HDAC2: variants seen among roughly 807,000 people sequenced by gnomAD.
The protein encoded by HDAC2 is YY1-associated factor 1.
Under a neutral mutation model 68.5 loss-of-function variants are expected in HDAC2, and 5 were observed. The observed-to-expected ratio is 0.07, with a 90% CI of 0.04 to 0.15. The LOEUF (loss-of-function observed/expected upper bound fraction) is 0.15. Among genes scored for constraint, HDAC2 ranks in the 10% least tolerant of loss-of-function variants. HDAC2 has a pLI of 1.00. For missense variants in HDAC2, 291 were observed against 600.8 expected, an observed-to-expected ratio of 0.48 and a Z score of 5.39; for synonymous variants, 182 against 191.3, an observed-to-expected ratio of 0.95 and a Z score of 0.40.
chr6:113,964,178 C>A (rs1175403121), intron 1 of HDAC2, among the ~76,000 whole-genome samples: 1 of 151,200 alleles, frequency 6.6e-6, no homozygotes, highest in East Asian at 1.9e-4. Flanking sequence ...AAATTTTTTT[C>A]AATTTTCAGG....
At chr6:113,954,436 C>A (rs977737979) in intron 5 of HDAC2, among the ~76,000 whole-genome samples, 2 of 151,998 alleles carry the variant, frequency 1.3e-5, no homozygotes, top group South Asian at 2.1e-4. Context: ...AGTTTCTGAG[C>A]GGCTCACGTG....
chr6:113,942,797 C>T (rs1029641021), intron 12 of HDAC2, among the ~76,000 whole-genome samples: 7 of 152,220 alleles, frequency 4.6e-5, no homozygotes, highest in Non-Finnish European at 7.4e-5. Flanking sequence ...GCTAACACAG[C>T]GTTTTAAAGT....
chr6:113,952,098 T>TG, intron 6 of HDAC2, among the ~76,000 whole-genome samples: 2 of 152,284 alleles, frequency 1.3e-5, no homozygotes, highest in Non-Finnish European at 2.9e-5. Context: ...AACTTTAAGG[T>TG]GAAGAATCAC....
At chr6:113,970,670 C>G in intron 1 of HDAC2, 187 bp downstream of exon 1, 1 of 1,352,210 alleles carries the variant, frequency 7.4e-7, no homozygotes, top group Non-Finnish European at 9.4e-7. Flanking sequence ...CCCGCAGGAA[C>G]CGCGGGGGCT....
Position 113,947,630 on chromosome 6 carries a change from T to A in HDAC2, c.841+1349A>T, listed in dbSNP as rs1288074494. On this transcript the variant is annotated intron_variant, in intron 8 of 13. Transcript: ENST00000519065. ...TATACACTTTTAAGAGTACATTAGG[T>A]AGATCATTTTAGAAAGTTTATAAAC... The A allele has an allele frequency of 2.0e-5, 3 of 152,126 alleles. No homozygotes were observed. The East Asian group carries it at 5.8e-4, about 29-fold the overall frequency. The allele number at this position is 152,126 out of a possible 1,614,324, so 9.4% of individuals were successfully genotyped here.
chr6:113,971,079 G>A lies in HDAC2; in HGVS notation c.-171C>T, dbSNP rs1383442722. On this transcript the variant is annotated 5_prime_UTR_variant, in exon 1 of 14. Coordinates refer to ENST00000519065, the MANE Select transcript of HDAC2 (RefSeq NM_001527.4). ...AGAGGAGGGGGCGCCGGGAAGGCTC[G>A]GTACCACCCGGCAGAGGTGCCGAAA... The A allele has an allele frequency of 6.4e-7, 1 of 1,551,962 alleles. No individual in the cohort carries two copies.
intron 5 of HDAC2, among the ~76,000 whole-genome samples, chr6:113,954,463 A>G (rs1776499081): frequency 6.6e-6 from 1 of 152,226 alleles, no homozygotes; most frequent in Non-Finnish European, 1.5e-5. Context: ...AAGCAAGGAA[A>G]GCTGTGCACC....
chr6:113,941,605 G>T, intron 13 of HDAC2, 103 bp downstream of exon 13: 1 of 457,132 alleles, frequency 2.2e-6, no homozygotes, highest in Non-Finnish European at 3.9e-6. Context: ...ATGTTCTAAG[G>T]TTCAGTCTAG....
At chr6:113,955,699 TG>T (rs34803361) in intron 5 of HDAC2, among the ~76,000 whole-genome samples, 4 of 151,956 alleles carry the variant, frequency 2.6e-5, no homozygotes, top group African/African-American at 4.8e-5. Flanking sequence ...TCTGTAGAGA[TG>T]GGGTTTTGCC....
chr6:113,945,973 T>A (rs1259010909), intron 9 of HDAC2, 35 bp downstream of exon 9: 1 of 1,519,078 alleles, frequency 6.6e-7, no homozygotes, highest in South Asian at 1.1e-5. Flanking sequence ...TATTGACAGT[T>A]CATACAATAA....
At chr6:113,944,973 A>G (rs1776234067) in intron 10 of HDAC2, among the ~76,000 whole-genome samples, 1 of 152,176 alleles carries the variant, frequency 6.6e-6, no homozygotes, top group African/African-American at 2.4e-5. Context: ...TGTTCCAGAC[A>G]ATGAAAATAA....
At position 113,937,778 on chromosome 6, in the gene HDAC2, G is replaced by GA. The variant is rs1020535779; in HGVS notation, c.*3279dup. Reference sequence around the variant, plus strand: ...GAGGTGGGAGAATACCCTAAGCCTAGAAGTTCTAAGATGTAGTGAGATATG... The same window carrying GA: ...GAGGTGGGAGAATACCCTAAGCCTAGAAAGTTCTAAGATGTAGTGAGATATG... On this transcript the variant is annotated 3_prime_UTR_variant, in exon 14 of 14. Transcript: ENST00000519065. 1.3e-5 allele frequency: 2 copies of GA among 152,192 alleles called. No individual in the cohort carries two copies. Among genetic ancestry groups the GA allele is most frequent in the Non-Finnish European group, 2.9e-5 (2 of 68,056 alleles). The allele number at this position is 152,192 out of a possible 1,614,324, so 9.4% of individuals were successfully genotyped here.
intron 8 of HDAC2, 185 bp downstream of exon 8, chr6:113,948,794 A>G: frequency 1.8e-6 from 1 of 570,202 alleles, no homozygotes; most frequent in Non-Finnish European, 3.0e-6. Flanking sequence ...AAATGTATAT[A>G]TAAATCTGCC....
At chr6:113,959,318 A>G (rs948835346) in intron 2 of HDAC2, among the ~76,000 whole-genome samples, 1 of 152,056 alleles carries the variant, frequency 6.6e-6, no homozygotes, top group African/African-American at 2.4e-5. Context: ...ATATTCACAT[A>G]TATTGCCTAG....
chr6:113,946,193 AC>A, intron 8 of HDAC2, 45 bp from the exon 9 acceptor site: 1 of 1,507,756 alleles, frequency 6.6e-7, no homozygotes, highest in Non-Finnish European at 9.0e-7. Context: ...GCATACTGCA[AC>A]AGTTCGAAAA....
At chr6:113,967,318 G>A (rs1227850959) in intron 1 of HDAC2, among the ~76,000 whole-genome samples, 6 of 152,018 alleles carry the variant, frequency 3.9e-5, no homozygotes, top group Admixed American at 3.9e-4. Context: ...TAGTAGAGAC[G>A]GGGTTTCGCC....
At chr6:113,950,299 T>C (rs1003244370) in intron 6 of HDAC2, among the ~76,000 whole-genome samples, 2 of 152,176 alleles carry the variant, frequency 1.3e-5, no homozygotes, top group Non-Finnish European at 2.9e-5. Context: ...TACGTATTCC[T>C]AGAAGATACT....
intron 1 of HDAC2, among the ~76,000 whole-genome samples, chr6:113,969,081 G>A (rs1049187045): frequency 2.6e-5 from 4 of 152,130 alleles, no homozygotes; most frequent in Non-Finnish European, 5.9e-5. Context: ...TATACGCAGG[G>A]TTACTTCCTT....
chr6:113,958,269 T>C (rs915954862), intron 3 of HDAC2, among the ~76,000 whole-genome samples: 1 of 152,224 alleles, frequency 6.6e-6, no homozygotes, highest in Non-Finnish European at 1.5e-5. Flanking sequence ...CCAGGTTAAC[T>C]GAAGTACACA....
Sources: allele counts gnomAD v4.1 joint callset (sites outside exome capture counted in the v4.1 genomes callset), GRCh38; gene constraint gnomAD v4.1.1; transcripts MANE v1.5; gene names NCBI Gene and HGNC (gene_info 2026-07-23, HGNC 2026-07-21).